The following COX15 variants were observed in gnomAD, a reference collection of about 807,000 sequenced individuals.
COX15 encodes cytochrome c oxidase assembly factor COX15, also known as heme A synthase COX15.
COX15 carries 51 observed loss-of-function variants against 51.9 expected under a neutral mutation model. The ratio of observed to expected loss-of-function variants is 0.98; its 90% CI spans 0.78 to 1.24. The LOEUF is 1.24. Among genes scored for constraint, COX15 ranks in the 50% most tolerant of loss-of-function variants. The probability of loss-of-function intolerance (pLI) is 0.00; values close to 1 mark genes in which losing one functional copy is unlikely to be tolerated. For missense variants in COX15, 420 were observed against 501.1 expected (o/e 0.84, Z 1.55); for synonymous variants, 188 against 190.5 (o/e 0.99, Z 0.11).
At chr10:99,702,436 C>T in the COX15 span, 1,105,140 of 1,273,916 alleles carry the variant, frequency 0.87, 480,385 homozygotes, top group Middle Eastern at 0.9. Flanking sequence ...TGTGGGAATA[C>T]GGAGTGGCTT....
rs886046600 is a variant in COX15, at chr10:99,710,917, C to T, written c.*3670G>A. Reference sequence around the variant, plus strand: ...TCCTTCATGTTTTAAAAACAATGGACGTAAGTGCAGAGAGACCTTTGAAAA... The same window carrying T: ...TCCTTCATGTTTTAAAAACAATGGATGTAAGTGCAGAGAGACCTTTGAAAA... On this transcript the variant is annotated 3_prime_UTR_variant, in exon 9 of 9. Transcript: ENST00000016171. 5.0e-5 allele frequency: 49 copies of T among 985,102 alleles called. No individual in the cohort carries two copies. Among genetic ancestry groups the T allele is most frequent in the East Asian group, 1.1e-4 (1 of 8,830 alleles). The allele number at this position is 985,102 out of a possible 1,614,324, so 61.0% of individuals were successfully genotyped here.
At chr10:99,728,443 G>C (rs1590105335) in intron 2 of COX15, among the ~76,000 whole-genome samples, 2 of 152,286 alleles carry the variant, frequency 1.3e-5, no homozygotes, top group Middle Eastern at 3.4e-3. Flanking sequence ...GGTAAATAAA[G>C]GGAAAGAAGA....
chr10:99,723,993 A>G lies in COX15; in HGVS notation c.713T>C (p.Leu238Ser). 2.5e-6 allele frequency: 4 copies of G among 1,614,088 alleles called. No homozygotes were observed. Among genetic ancestry groups the G allele is most frequent in the Non-Finnish European group, 3.4e-6 (4 of 1,180,022 alleles). The change falls in exon 5 of 9, where the codon TTG becomes TCG. Residue 238 changes from leucine (L) to serine (S), a missense_variant. Transcript: ENST00000016171. ...GSALVLYCAS[L>S]WTSLSLLLPP... ...GAGTAGCAGTGACAGTGAGGTCCACAAGCTGGCACAATAAAGAACCAGGGC... is the reference window on the plus strand; with the variant it reads ...GAGTAGCAGTGACAGTGAGGTCCACGAGCTGGCACAATAAAGAACCAGGGC...
intron 8 of COX15, among the ~76,000 whole-genome samples, chr10:99,715,562 T>C (rs1341088469): frequency 6.6e-6 from 1 of 152,052 alleles, no homozygotes; most frequent in Non-Finnish European, 1.5e-5. Flanking sequence ...AATAAGTTCA[T>C]TTGCTGGGCC....
rs1240821774 is a variant in COX15, at chr10:99,711,134, G to A, written c.*3453C>T. On this transcript the variant is annotated 3_prime_UTR_variant, in exon 9 of 9. Transcript: ENST00000016171. ...ACCCTAAGATAATCATTCACCAGAA[G>A]CTCATAGATATAATACAGTTATATA... 1.0e-6 allele frequency: 1 copy of A among 984,626 alleles called. No individual in the cohort carries two copies. Among genetic ancestry groups the A allele is most frequent in the Non-Finnish European group, 1.2e-6 (1 of 829,474 alleles). The allele number at this position is 984,626 out of a possible 1,614,324, so 61.0% of individuals were successfully genotyped here. A position where few individuals can be genotyped will look rare whatever the true frequency, so the allele number is the denominator to read the frequency against.
chr10:99,721,103 G>A, intron 5 of COX15, 35 bp from the exon 6 acceptor site: 1 of 1,558,220 alleles, frequency 6.4e-7, no homozygotes, highest in Non-Finnish European at 8.8e-7. Flanking sequence ...GTTAAACTGT[G>A]TTGCAGGAAC....
At chr10:99,697,703 T>C in the COX15 span, 1 of 160,342 alleles carries the variant, frequency 6.2e-6, no homozygotes, top group Non-Finnish European at 1.4e-5. Context: ...TGTTCTGTTG[T>C]ACTGCCTCAT....
Position 99,713,193 on chromosome 10 carries a change from G to T in COX15, c.*1394C>A. 7.2e-7 allele frequency: 1 copy of T among 1,385,696 alleles called. No individual in the cohort carries two copies. Among genetic ancestry groups the T allele is most frequent in the African/African-American group, 1.5e-5 (1 of 68,546 alleles). The allele number at this position is 1,385,696 out of a possible 1,614,324, so 85.8% of individuals were successfully genotyped here. On this transcript the variant is annotated 3_prime_UTR_variant, in exon 9 of 9. Transcript: ENST00000016171. ...ATAATAACAACATGAATACTACTTG[G>T]TTCATATTGAACCTGAGGACAACTA... is the stretch of plus-strand genomic sequence containing the variant.
At position 99,727,597 on chromosome 10, in the gene COX15, G is replaced by T. The variant is rs78915941; in HGVS notation, c.273-34C>A. On this transcript the variant is annotated intron_variant, in intron 2 of 8. Transcript: ENST00000016171. Reference sequence around the variant, plus strand: ...AGGAAAGAAATTTTGGGGTGTATGCGTGAGGCTGGATTACTCACAAAAGGT... The same window carrying T: ...AGGAAAGAAATTTTGGGGTGTATGCTTGAGGCTGGATTACTCACAAAAGGT... 2.5e-3 allele frequency: 3,992 copies of T among 1,610,446 alleles called. 9 individuals carry two copies. The highest frequency in any genetic ancestry group is 3.2e-3 in the Non-Finnish European group (3,789 of 1,179,502).
the COX15 span, chr10:99,698,061 G>A: frequency 1.1e-5 from 2 of 187,798 alleles, no homozygotes; most frequent in Non-Finnish European, 1.1e-5. Flanking sequence ...CTCATTCAGA[G>A]GCAGGCATGG....
At position 99,729,686 on chromosome 10, in the gene COX15, A is replaced by T; in HGVS notation, c.139T>A (p.Ser47Thr). The part of the protein sequence containing the change: ...PLRPGQYSTI[S>T]EVALQSGRGT... ...CTTCCAGATTGCAAAGCTACTTCAG[A>T]GATGGTGCTGTATTGCCCTGGCCTC... is the stretch of plus-strand genomic sequence containing the variant. The change falls in exon 2 of 9, where the codon TCT (serine) becomes ACT (threonine). Residue 47 changes from serine to threonine, a missense_variant. Physicochemically the swap from Ser to Thr is moderately conservative, Grantham distance 58. Coordinates refer to ENST00000016171, the MANE Select transcript of COX15 (RefSeq NM_078470.6). 8 of 1,614,130 alleles carry T rather than the reference A, an allele frequency of 5.0e-6. No homozygotes were observed. The highest frequency in any genetic ancestry group is 6.8e-6 in the Non-Finnish European group (8 of 1,180,018).
chr10:99,721,258 A>C (rs2036761529), intron 5 of COX15, among the ~76,000 whole-genome samples, 190 bp from the exon 6 acceptor site: 1 of 152,192 alleles, frequency 6.6e-6, no homozygotes, highest in African/African-American at 2.4e-5. Context: ...ATAGATTACT[A>C]TCTGTTTTCC....
At chr10:99,696,252 G>A in the COX15 span, 1 of 1,106,050 alleles carries the variant, frequency 9.0e-7, no homozygotes, top group African/African-American at 1.6e-5. Context: ...CCCTGCCAAT[G>A]GGGTAGCATC....
chr10:99,711,023 A>T lies in COX15; in HGVS notation c.*3564T>A. The T allele has an allele frequency of 1.0e-5, 10 of 985,274 alleles. No individual in the cohort carries two copies. Among genetic ancestry groups the T allele is most frequent in the Non-Finnish European group, 1.1e-5 (9 of 829,800 alleles). The allele number at this position is 985,274 out of a possible 1,614,324, so 61.0% of individuals were successfully genotyped here. A position where few individuals can be genotyped will look rare whatever the true frequency, so the allele number is the denominator to read the frequency against. ...AAAGGTATTTGGAACATCAATCTGT[A>T]ATTATCCATTTTCCATTCATGCATT... On this transcript the variant is annotated 3_prime_UTR_variant, in exon 9 of 9. Coordinates refer to ENST00000016171, the MANE Select transcript of COX15 (RefSeq NM_078470.6).
chr10:99,714,471 A>G lies in COX15; in HGVS notation c.*116T>C. 3 of 1,572,134 alleles carry G rather than the reference A, an allele frequency of 1.9e-6. No homozygotes were observed. The highest frequency in any genetic ancestry group is 2.6e-6 in the Non-Finnish European group (3 of 1,162,396). ...CAGGAAAAGATTTTTAAGTAAGTTG[A>G]CCATTTGGAAACCACTTGGTATGTC... On this transcript the variant is annotated 3_prime_UTR_variant, in exon 9 of 9. Coordinates refer to ENST00000016171, the MANE Select transcript of COX15 (RefSeq NM_078470.6).
the COX15 span, among the ~76,000 whole-genome samples, chr10:99,700,131 T>TG: frequency 6.6e-6 from 1 of 152,156 alleles, no homozygotes; most frequent in Non-Finnish European, 1.5e-5. Flanking sequence ...TAACTATCCA[T>TG]GGCCTGACTC....
At position 99,712,970 on chromosome 10, in the gene COX15, C is replaced by A; in HGVS notation, c.*1617G>T. 1.0e-6 allele frequency: 1 copy of A among 996,986 alleles called. No homozygotes were observed. The highest frequency in any genetic ancestry group is 1.2e-6 in the Non-Finnish European group (1 of 827,332). 61.8% of individuals were successfully genotyped at this position (996,986 alleles called of 1,614,324 possible). A position where few individuals can be genotyped will look rare whatever the true frequency, so the allele number is the denominator to read the frequency against. ...TGCTCCAGTTAAATATCCCTAGTTC[C>A]TTCACCTATTCCCTGTGTGACAGGG... is the stretch of plus-strand genomic sequence containing the variant. On this transcript the variant is annotated 3_prime_UTR_variant, in exon 9 of 9. Transcript: ENST00000016171.
At chr10:99,699,007 G>C in the COX15 span, 1 of 710,062 alleles carries the variant, frequency 1.4e-6, no homozygotes, top group Non-Finnish European at 2.3e-6. Context: ...TTACAGATGA[G>C]GAAGTGGACA....
the COX15 span, chr10:99,701,100 C>T: frequency 1.2e-5 from 18 of 1,465,408 alleles, no homozygotes; most frequent in Non-Finnish European, 1.7e-5. Flanking sequence ...GACTTAAAAT[C>T]TAGATGGCAG....
Sources: allele counts gnomAD v4.1 joint callset (sites outside exome capture counted in the v4.1 genomes callset), GRCh38; gene constraint gnomAD v4.1.1; transcripts MANE v1.5; gene names NCBI Gene and HGNC (gene_info 2026-07-23, HGNC 2026-07-21).